NRG1: variants seen among roughly 807,000 people sequenced by gnomAD.
The protein encoded by NRG1 is neuregulin 1, also known as pro-neuregulin-1, membrane-bound isoform.
A neutral mutation model predicts 63.8 loss-of-function variants in NRG1; 18 were observed. The ratio of observed to expected loss-of-function variants is 0.28; its 90% confidence interval spans 0.19 to 0.42. NRG1 has a LOEUF of 0.42. Among genes scored for constraint, NRG1 ranks in the 10% least tolerant of loss-of-function variants. NRG1 has a pLI of 1.00. For synonymous variants in NRG1, 302 were observed against 301.3 expected (o/e 1.00, Z -0.02); for missense variants, 762 against 814.7 (o/e 0.94, Z 0.79).
intron 1 of NRG1, among the ~76,000 whole-genome samples, chr8:32,479,930 G>A (rs756640355): frequency 2.0e-5 from 3 of 152,118 alleles, no homozygotes; most frequent in African/African-American, 4.8e-5. Flanking sequence ...TTACAGGTGT[G>A]AGCCACCACG....
chr8:32,293,603 C>G (rs1364084996), intron 1 of NRG1, among the ~76,000 whole-genome samples: 2 of 151,462 alleles, frequency 1.3e-5, no homozygotes, highest in Non-Finnish European at 2.9e-5. Context: ...AACAACATTC[C>G]TTGTTTGATT....
chr8:32,250,478 G>A (rs1208542792), intron 1 of NRG1, among the ~76,000 whole-genome samples: 1 of 152,096 alleles, frequency 6.6e-6, no homozygotes, highest in African/African-American at 2.4e-5. Flanking sequence ...ATAGTTTAAT[G>A]ATTTTCATAA....
chr8:31,671,899 G>T (rs1807190642), intron 1 of NRG1, among the ~76,000 whole-genome samples: 1 of 152,062 alleles, frequency 6.6e-6, no homozygotes, highest in Non-Finnish European at 1.5e-5. Context: ...CATATGTTAG[G>T]TCTCTCACAA....
chr8:31,947,686 G>A (rs1377001680), intron 1 of NRG1, among the ~76,000 whole-genome samples: 2 of 152,012 alleles, frequency 1.3e-5, no homozygotes, highest in African/African-American at 4.8e-5. Context: ...GCTCATGCCT[G>A]TAATCCCAGC....
chr8:31,668,364 C>A (rs562891269), intron 1 of NRG1, among the ~76,000 whole-genome samples: 1 of 152,242 alleles, frequency 6.6e-6, no homozygotes, highest in Admixed American at 6.5e-5. Context: ...GTCACAGAAA[C>A]CCCTAAAGCA....
At chr8:32,680,725 G>A (rs536755295) in intron 5 of NRG1, among the ~76,000 whole-genome samples, 21 of 152,118 alleles carry the variant, frequency 1.4e-4, no homozygotes, top group South Asian at 4.2e-4. Flanking sequence ...AACCTGTGCC[G>A]AAGTTTATTA....
At chr8:32,147,223 G>A (rs1227592506) in intron 1 of NRG1, among the ~76,000 whole-genome samples, 1 of 152,102 alleles carries the variant, frequency 6.6e-6, no homozygotes, top group Non-Finnish European at 1.5e-5. Flanking sequence ...ATATTGTGAT[G>A]TCCTTTGGCC....
At chr8:32,355,402 C>T (rs1433447827) in intron 1 of NRG1, among the ~76,000 whole-genome samples, 4 of 151,760 alleles carry the variant, frequency 2.6e-5, no homozygotes, top group East Asian at 3.9e-4. Flanking sequence ...GAGGTTGCAC[C>T]GATCTGAGAT....
chr8:32,178,670 C>A (rs978511029), intron 1 of NRG1, among the ~76,000 whole-genome samples: 2 of 152,106 alleles, frequency 1.3e-5, no homozygotes, highest in African/African-American at 2.4e-5. Flanking sequence ...TGGGCAAAGT[C>A]AGAGTCCAGG....
intron 1 of NRG1, among the ~76,000 whole-genome samples, chr8:32,084,159 A>C (rs1586983606): frequency 6.6e-6 from 1 of 152,210 alleles, no homozygotes; most frequent in East Asian, 1.9e-4. Context: ...AAATAGAATG[A>C]GTGCTCAGAG....
At chr8:32,385,016 T>C (rs927160716) in intron 1 of NRG1, among the ~76,000 whole-genome samples, 3 of 152,190 alleles carry the variant, frequency 2.0e-5, no homozygotes, top group Admixed American at 6.5e-5. Flanking sequence ...TAGCTACTTA[T>C]GGCCTCTCTC....
At chr8:32,113,280 A>T (rs1453643087) in intron 1 of NRG1, among the ~76,000 whole-genome samples, 2 of 151,928 alleles carry the variant, frequency 1.3e-5, no homozygotes, top group Non-Finnish European at 2.9e-5. Flanking sequence ...AAGCCAAGTT[A>T]TTTCCCTCTT....
intron 1 of NRG1, among the ~76,000 whole-genome samples, chr8:31,974,253 A>T (rs1807793537): frequency 6.6e-6 from 1 of 151,926 alleles, no homozygotes; most frequent in African/African-American, 2.4e-5. Flanking sequence ...TCTGCCTCCA[A>T]CTCCTGGGCT....
At chr8:31,925,919 C>G (rs73580634) in intron 1 of NRG1, among the ~76,000 whole-genome samples, 2 of 151,996 alleles carry the variant, frequency 1.3e-5, no homozygotes, top group East Asian at 1.9e-4. Flanking sequence ...ATATTTAAAC[C>G]ATCCACCAGG....
intron 1 of NRG1, among the ~76,000 whole-genome samples, chr8:31,871,383 C>A (rs145048223): frequency 7.6e-4 from 116 of 152,190 alleles, no homozygotes; most frequent in African/African-American, 2.7e-3. Context: ...CCATAAGAGA[C>A]CCTCAAGAAG....
At chr8:31,665,712 T>A (rs528249080) in intron 1 of NRG1, among the ~76,000 whole-genome samples, 1 of 151,882 alleles carries the variant, frequency 6.6e-6, no homozygotes. Flanking sequence ...ATAGGCTTTA[T>A]TTTTTTTAAT....
At chr8:32,732,517 G>A (rs1270354489) in intron 6 of NRG1, among the ~76,000 whole-genome samples, 3 of 152,090 alleles carry the variant, frequency 2.0e-5, no homozygotes, top group Admixed American at 6.6e-5. Flanking sequence ...GGGGATTAGA[G>A]TTTTAAACTA....
intron 1 of NRG1, among the ~76,000 whole-genome samples, chr8:31,892,376 GA>G (rs1831219852): frequency 6.6e-6 from 1 of 151,912 alleles, no homozygotes; most frequent in Admixed American, 6.6e-5. Flanking sequence ...TAACCTCTTA[GA>G]AAAAGGTAGT....
At chr8:32,517,041 A>T (rs1009612210) in intron 1 of NRG1, among the ~76,000 whole-genome samples, 15 of 152,196 alleles carry the variant, frequency 9.9e-5, no homozygotes, top group Non-Finnish European at 2.1e-4. Context: ...AGTAAAAATG[A>T]GTAATTTTAT....
Sources: gnomAD v4.1 joint callset for allele counts (sites outside exome capture counted in the v4.1 genomes callset) on GRCh38, gnomAD v4.1.1 for gene constraint, MANE v1.5 for transcripts, NCBI Gene and HGNC (gene_info 2026-07-23, HGNC 2026-07-21) for gene names.